Variants in PIAS1 observed in about 807,000 individuals in gnomAD.
PIAS1 encodes the protein E3 SUMO-protein ligase PIAS1.
A neutral mutation model predicts 71.3 loss-of-function variants in PIAS1; 6 were observed. The ratio of observed to expected loss-of-function variants is 0.08; its 90% confidence interval spans 0.05 to 0.17. The LOEUF (loss-of-function observed/expected upper bound fraction) is 0.17, where lower values mean the gene tolerates loss of function less well. Ranked by LOEUF, PIAS1 falls within the 10% of genes least tolerant of loss-of-function variation. PIAS1 has a pLI of 1.00. For missense variants in PIAS1, 555 were observed against 793.6 expected (o/e 0.70, Z 3.61); for synonymous variants, 303 against 292.9 (o/e 1.03, Z -0.35).
At position 68,095,353 on chromosome 15, in the gene PIAS1, G is replaced by A. The variant is rs570345994; in HGVS notation, c.469+8603G>A. Among the ~76,000 whole-genome samples, 12 of 152,138 alleles carry A rather than the reference G, an allele frequency of 7.9e-5. No homozygotes were observed. The South Asian group carries it at 2.3e-3, about 29-fold the overall frequency. ...TGGGTTGCCATGAGTTTGCATGGCA[G>A]CCAGCTGGAGGACTTGGTTGTGGTA... On this transcript the variant is annotated intron_variant, in intron 2 of 13. Transcript: ENST00000249636.
intron 1 of PIAS1, among the ~76,000 whole-genome samples, chr15:68,069,167 T>TACAGGCGA (rs982573310): frequency 4.6e-5 from 7 of 152,158 alleles, no homozygotes; most frequent in African/African-American, 1.7e-4. Context: ...GTGCTGGGAT[T>TACAGGCGA]ACAGGCGTGA....
chr15:68,081,856 G>A (rs1442116151), intron 1 of PIAS1, among the ~76,000 whole-genome samples: 1 of 151,578 alleles, frequency 6.6e-6, no homozygotes, highest in East Asian at 1.9e-4. Flanking sequence ...AACTGAAGGG[G>A]ACATACATCT....
At position 68,167,215 on chromosome 15, in the gene PIAS1, A is replaced by G. The variant is rs1006629844; in HGVS notation, c.1008+2411A>G. ...ATTGTGTGTGTGTGTGTGTGTGTGT[A>G]TGTGTAAAATGTATAATTATAATAC... On this transcript the variant is annotated intron_variant, in intron 8 of 13. Coordinates refer to ENST00000249636, the MANE Select transcript of PIAS1 (RefSeq NM_016166.3). This position sits in a 1 kb window ranked among gnomAD's most constrained non-coding sequence, Gnocchi z 4.4. Among the ~76,000 whole-genome samples, 28 of 138,244 alleles carry G rather than the reference A, an allele frequency of 2.0e-4. 2 individuals are homozygous for G. The highest frequency in any genetic ancestry group is 2.0e-4 in the East Asian group (1 of 5,042). 90.7% of individuals were successfully genotyped at this position (138,244 alleles called of 152,430 possible).
In PIAS1 at chr15:68,176,524, T is replaced by G; in HGVS notation, c.1351T>G (p.Ser451Ala). Residue 451 changes from serine (S) to alanine (A), a missense_variant, in exon 11 of 14, where the codon TCA becomes GCA. Around this residue, in one of 5 missense-constraint regions of PIAS1, gnomAD observed 244 missense variants for 307.5 expected, o/e 0.79. Transcript: ENST00000249636. ...EHQVASHHQS[S>A]NKNKKVEVID... The stretch of plus-strand genomic sequence containing the variant: ...TCAGGTAGCGTCTCACCACCAGTCC[T>G]CAAATAAAAACAAGAAAGTAGAAGT... 1 of 1,612,408 alleles carries G rather than the reference T, an allele frequency of 6.2e-7. No homozygotes were observed.
chr15:68,143,398 CAGTG>C (rs1325870837), intron 4 of PIAS1, among the ~76,000 whole-genome samples: 1 of 152,032 alleles, frequency 6.6e-6, no homozygotes, highest in Non-Finnish European at 1.5e-5. Context: ...AAGGTAAAAA[CAGTG>C]AGAAAGCAGA....
At chr15:68,071,752 G>A (rs2092099333) in intron 1 of PIAS1, among the ~76,000 whole-genome samples, 1 of 150,778 alleles carries the variant, frequency 6.6e-6, no homozygotes, top group Non-Finnish European at 1.5e-5. Context: ...GAACACTTGA[G>A]CCCTGGAGTT....
chr15:68,072,624 C>T (rs2092111183), intron 1 of PIAS1, among the ~76,000 whole-genome samples: 1 of 152,066 alleles, frequency 6.6e-6, no homozygotes, highest in African/African-American at 2.4e-5. Flanking sequence ...CAGACTTCCT[C>T]CACATCCAAG....
At chr15:68,117,331 C>G (rs1208918437) in intron 2 of PIAS1, among the ~76,000 whole-genome samples, 1 of 152,356 alleles carries the variant, frequency 6.6e-6, no homozygotes, top group East Asian at 1.9e-4. Context: ...GGTGATCCAC[C>G]TGCCTTGGCC....
chr15:68,084,631 C>T (rs1041079570), intron 1 of PIAS1, among the ~76,000 whole-genome samples: 1 of 152,164 alleles, frequency 6.6e-6, no homozygotes, highest in Non-Finnish European at 1.5e-5. Flanking sequence ...ACCTCCCACC[C>T]TTTCTTCTGG....
At chr15:68,154,230 C>T (rs1035626276) in intron 7 of PIAS1, among the ~76,000 whole-genome samples, 6 of 152,108 alleles carry the variant, frequency 3.9e-5, no homozygotes, top group African/African-American at 7.2e-5. Context: ...TGGGTTCATA[C>T]GTGTGAATTA....
intron 2 of PIAS1, among the ~76,000 whole-genome samples, chr15:68,132,968 G>GTTTTC (rs1299061429): frequency 6.8e-6 from 1 of 147,316 alleles, no homozygotes; most frequent in Non-Finnish European, 1.5e-5. Flanking sequence ...TATCCTTCTG[G>GTTTTC]TTTTCTTTTC....
intron 1 of PIAS1, among the ~76,000 whole-genome samples, chr15:68,076,919 G>A (rs925525150): frequency 1.5e-4 from 23 of 152,228 alleles, no homozygotes; most frequent in African/African-American, 5.1e-4. Flanking sequence ...ACCACATTTC[G>A]TGATAATTGT....
chr15:68,145,705 T>C (rs761616316), intron 4 of PIAS1, 111 bp from the exon 5 acceptor site: 27 of 647,612 alleles, frequency 4.2e-5, no homozygotes, highest in Middle Eastern at 4.2e-4. Flanking sequence ...TTTATAGTTT[T>C]CCCTTTTGGT....
intron 2 of PIAS1, among the ~76,000 whole-genome samples, chr15:68,094,375 A>AATAT (rs201688724): frequency 2.0e-5 from 3 of 151,614 alleles, no homozygotes; most frequent in African/African-American, 7.3e-5. Context: ...AAATATTTGA[A>AATAT]ATATATATAT....
At chr15:68,103,799 G>A (rs971371121) in intron 2 of PIAS1, among the ~76,000 whole-genome samples, 1 of 152,076 alleles carries the variant, frequency 6.6e-6, no homozygotes, top group Admixed American at 6.6e-5. Flanking sequence ...CTTTTTAATG[G>A]CCAAGTAATA....
chr15:68,067,596 A>C (rs1288835040), intron 1 of PIAS1, among the ~76,000 whole-genome samples: 2 of 152,130 alleles, frequency 1.3e-5, no homozygotes, highest in Non-Finnish European at 2.9e-5. Context: ...TTATAATACA[A>C]ACTATATTAA....
chr15:68,148,470 C>A (rs1341706755), intron 6 of PIAS1, among the ~76,000 whole-genome samples: 1 of 152,098 alleles, frequency 6.6e-6, no homozygotes, highest in Non-Finnish European at 1.5e-5. Context: ...TCACTCTTGG[C>A]CAGGCTGGAG....
intron 1 of PIAS1, among the ~76,000 whole-genome samples, chr15:68,063,992 T>C (rs2091989125): frequency 6.6e-6 from 1 of 152,140 alleles, no homozygotes; most frequent in Admixed American, 6.5e-5. Context: ...AATCCTTGAG[T>C]ACATTTAAAA....
At position 68,106,701 on chromosome 15, in the gene PIAS1, T is replaced by C. The variant is rs528089869; in HGVS notation, c.469+19951T>C. Among the ~76,000 whole-genome samples, 5 of 152,222 alleles carry C rather than the reference T, an allele frequency of 3.3e-5. No individual in the cohort carries two copies. The South Asian group carries it at 1.0e-3, about 32-fold the overall frequency. ...ATACCCCACAAAATCCCCTCCAGTT[T>C]CCTCCTAATATTATCTATAAAGCAG... is the stretch of plus-strand genomic sequence containing the variant. On this transcript the variant is annotated intron_variant, in intron 2 of 13. Coordinates refer to ENST00000249636, the MANE Select transcript of PIAS1 (RefSeq NM_016166.3).
Sources: gnomAD v4.1 joint callset for allele counts (sites outside exome capture counted in the v4.1 genomes callset) on GRCh38, gnomAD v4.1.1 for gene constraint, gnomAD v4.1.1 regional missense constraint, Gnocchi (gnomAD v3.1) non-coding constraint, MANE v1.5 for transcripts, NCBI Gene and HGNC (gene_info 2026-07-23, HGNC 2026-07-21) for gene names.